Variants in TOX3 observed in about 807,000 individuals in gnomAD.
TOX3 encodes the protein TOX high mobility group box family member 3, also known as CAG trinucleotide repeat-containing gene F9 protein.
TOX3 carries 22 observed loss-of-function variants against 64.3 expected under a neutral mutation model. That is an observed-to-expected ratio of 0.34 (90% confidence interval 0.24 to 0.49). The LOEUF (loss-of-function observed/expected upper bound fraction) is 0.49. Among genes scored for constraint, TOX3 ranks in the 20% least tolerant of loss-of-function variants. TOX3 has a pLI of 0.99. For missense variants in TOX3, 661 were observed against 714.4 expected (o/e 0.93, Z 0.85); for synonymous variants, 291 against 273.6 (o/e 1.06, Z -0.63).
At chr16:52,530,212 A>G (rs564866496) in intron 1 of TOX3, among the ~76,000 whole-genome samples, 1 of 152,362 alleles carries the variant, frequency 6.6e-6, no homozygotes, top group South Asian at 2.1e-4. Flanking sequence ...AAAGCGTCCC[A>G]GGAAGTTGAA....
chr16:52,469,799 G>A (rs1960987011), intron 1 of TOX3, among the ~76,000 whole-genome samples: 1 of 152,094 alleles, frequency 6.6e-6, no homozygotes, highest in Admixed American at 6.6e-5. Context: ...TTATTTCTGG[G>A]GGGCTCTCAA....
chr16:52,538,060 G>A (rs1168587331), intron 1 of TOX3, among the ~76,000 whole-genome samples: 1 of 151,942 alleles, frequency 6.6e-6, no homozygotes, highest in Non-Finnish European at 1.5e-5. Flanking sequence ...TGCAACCAAA[G>A]CATTTTTACT....
chr16:52,519,430 A>G (rs1962540191), intron 1 of TOX3: 2 of 1,551,578 alleles, frequency 1.3e-6, no homozygotes, highest in Non-Finnish European at 1.7e-6. Flanking sequence ...TTATCAGGTA[A>G]TGAAGTCTCT....
intron 1 of TOX3, among the ~76,000 whole-genome samples, chr16:52,535,712 G>C (rs1190481572): frequency 6.6e-6 from 1 of 152,022 alleles, no homozygotes; most frequent in Non-Finnish European, 1.5e-5. Context: ...TTCTTCAATG[G>C]CCTGAATAGT....
intron 1 of TOX3, among the ~76,000 whole-genome samples, chr16:52,474,050 T>C (rs900013209): frequency 1.2e-4 from 18 of 152,200 alleles, no homozygotes; most frequent in Middle Eastern, 3.2e-3. Flanking sequence ...GCCCTTCCAA[T>C]TGGATGTCAG....
chr16:52,518,002 A>G (rs1169381090), intron 1 of TOX3, among the ~76,000 whole-genome samples: 1 of 152,194 alleles, frequency 6.6e-6, no homozygotes, highest in African/African-American at 2.4e-5. Context: ...TACTAAATAC[A>G]TGTAACACTT....
At chr16:52,465,207 G>A (rs1331302314) in intron 2 of TOX3, among the ~76,000 whole-genome samples, 1 of 151,164 alleles carries the variant, frequency 6.6e-6, no homozygotes, top group East Asian at 1.9e-4. Flanking sequence ...GTAGAGACGG[G>A]GTTTCACCGT....
intron 6 of TOX3, among the ~76,000 whole-genome samples, chr16:52,440,748 CTTTCTTTTTT>C (rs2151738250): frequency 2.2e-5 from 2 of 89,450 alleles, no homozygotes; most frequent in East Asian, 5.9e-4. Flanking sequence ...ATTTTTCTTT[CTTTCTTTTTT>C]TTTTTTTTTT....
Position 52,450,408 on chromosome 16 carries a change from T to G in TOX3, c.547A>C (p.Ser183Arg). Residue 183 changes from serine to arginine, a missense_variant, in exon 4 of 7, where the codon AGC becomes CGC. Physicochemically the swap from Ser to Arg is moderately radical, Grantham distance 110 (BLOSUM62 -1). Transcript: ENST00000219746. ...QLTTINQSQL[S>R]AQLGLNLGGA... ...CCCAAATTCAACCCCAACTGGGCGC[T>G]GAGCTGAGACTGGTTGATGGTGGTG... is the stretch of plus-strand genomic sequence containing the variant. 1.2e-6 allele frequency: 2 copies of G among 1,613,972 alleles called. No individual in the cohort carries two copies. The highest frequency in any genetic ancestry group is 1.7e-6 in the Non-Finnish European group (2 of 1,179,870).
At chr16:52,502,345 A>G (rs1388938748) in intron 1 of TOX3, among the ~76,000 whole-genome samples, 1 of 152,230 alleles carries the variant, frequency 6.6e-6, no homozygotes, top group Non-Finnish European at 1.5e-5. Flanking sequence ...TATGTTAGCC[A>G]GAAAGCCAGT....
chr16:52,468,620 G>C lies in TOX3; in HGVS notation c.88-46C>G, dbSNP rs546031426. ...TTACGTTAATATGCGGCATAATAAA[G>C]CATTCTGGCTGTGATTTGGAAAGAA... On this transcript the variant is annotated intron_variant, in intron 1 of 6. Coordinates refer to ENST00000219746, the MANE Select transcript of TOX3 (RefSeq NM_001080430.4). The C allele has an allele frequency of 2.7e-6, 4 of 1,456,244 alleles. No individual in the cohort carries two copies. In the South Asian group the frequency reaches 3.5e-5, roughly 13 times the overall value. The allele number at this position is 1,456,244 out of a possible 1,614,324, so 90.2% of individuals were successfully genotyped here. A position where few individuals can be genotyped will look rare whatever the true frequency, so the allele number is the denominator to read the frequency against.
chr16:52,540,743 G>A (rs555718494), intron 1 of TOX3, among the ~76,000 whole-genome samples: 1 of 152,202 alleles, frequency 6.6e-6, no homozygotes, highest in East Asian at 1.9e-4. Context: ...CTTATTTTGT[G>A]TGTTTTCATG....
intron 5 of TOX3, chr16:52,445,387 G>A (rs1960134675): frequency 6.6e-6 from 1 of 152,252 alleles, no homozygotes; most frequent in South Asian, 2.1e-4. Context: ...GACCCCCAAG[G>A]AACCCATTCT....
At chr16:52,517,429 T>A (rs1408730857) in intron 1 of TOX3, among the ~76,000 whole-genome samples, 3 of 151,972 alleles carry the variant, frequency 2.0e-5, no homozygotes, top group Non-Finnish European at 2.9e-5. Context: ...GCCAGGATGG[T>A]TTGTTGGGGC....
chr16:52,523,868 T>A (rs1317706558), intron 1 of TOX3, among the ~76,000 whole-genome samples: 1 of 152,222 alleles, frequency 6.6e-6, no homozygotes, highest in Non-Finnish European at 1.5e-5. Context: ...ATTGTGACTT[T>A]TATAGTGAAA....
intron 1 of TOX3, among the ~76,000 whole-genome samples, chr16:52,490,098 A>T (rs1961637061): frequency 6.6e-6 from 1 of 151,990 alleles, no homozygotes; most frequent in African/African-American, 2.4e-5. Flanking sequence ...TTAACGCAGT[A>T]TGCCAAGGTA....
chr16:52,515,860 G>T (rs563751798), intron 1 of TOX3, among the ~76,000 whole-genome samples: 2 of 152,034 alleles, frequency 1.3e-5, no homozygotes, highest in Non-Finnish European at 2.9e-5. Flanking sequence ...CATCCAAAAA[G>T]TGTACAAATT....
chr16:52,515,967 T>C (rs76623084), intron 1 of TOX3, among the ~76,000 whole-genome samples: 1 of 149,602 alleles, frequency 6.7e-6, no homozygotes, highest in Non-Finnish European at 1.5e-5. Context: ...AAATGTGTGC[T>C]TGTGTGTGTG....
At chr16:52,518,718 A>C (rs1962520562) in intron 1 of TOX3, among the ~76,000 whole-genome samples, 1 of 152,240 alleles carries the variant, frequency 6.6e-6, no homozygotes, top group African/African-American at 2.4e-5. Flanking sequence ...AGAATACCTC[A>C]TAGTAATTTG....
Sources: allele counts gnomAD v4.1 joint callset (sites outside exome capture counted in the v4.1 genomes callset), GRCh38; gene constraint gnomAD v4.1.1; transcripts MANE v1.5; gene names NCBI Gene and HGNC (gene_info 2026-07-23, HGNC 2026-07-21).